The following RPS6KA2 variants were observed in gnomAD, a reference collection of about 807,000 sequenced individuals.
RPS6KA2 encodes the protein ribosomal protein S6 kinase alpha-2.
A neutral mutation model predicts 91.8 loss-of-function variants in RPS6KA2; 42 were observed. The observed-to-expected ratio is 0.46, with a 90% confidence interval of 0.36 to 0.59. RPS6KA2 has a LOEUF of 0.59. Ranked by LOEUF, RPS6KA2 falls within the 20% of genes least tolerant of loss-of-function variation. The probability of loss-of-function intolerance (pLI) is 0.00; values close to 1 mark genes in which losing one functional copy is unlikely to be tolerated. For missense variants in RPS6KA2, 798 were observed against 978.5 expected (o/e 0.82, Z 2.46); for synonymous variants, 414 against 393.6 (o/e 1.05, Z -0.61).
intron 1 of RPS6KA2, among the ~76,000 whole-genome samples, chr6:166,546,509 A>G (rs970213140): frequency 6.6e-6 from 1 of 150,496 alleles, no homozygotes; most frequent in Non-Finnish European, 1.5e-5. Context: ...TCTCTGAGAT[A>G]TATAGTATGA....
chr6:166,434,924 G>A lies in RPS6KA2; in HGVS notation c.1333-2434C>T, dbSNP rs1779249122. On this transcript the variant is annotated intron_variant, in intron 14 of 20. Transcript: ENST00000265678. This position sits in a 1 kb window ranked among gnomAD's most constrained non-coding sequence, Gnocchi z 4.4. ...TGCATAAAATAACCCTGGAAGGAAGGAGGAAACATTTAATTGCCTTGCCTT... is the reference window on the plus strand; with the variant it reads ...TGCATAAAATAACCCTGGAAGGAAGAAGGAAACATTTAATTGCCTTGCCTT... Among the ~76,000 whole-genome samples the A allele has an allele frequency of 6.6e-6, 1 of 152,186 alleles. No homozygotes were observed. Among genetic ancestry groups the A allele is most frequent in the Admixed American group, 6.5e-5 (1 of 15,274 alleles).
chr6:166,712,008 A>C (rs910161914), intron 2 of RPS6KA2, among the ~76,000 whole-genome samples: 1 of 152,232 alleles, frequency 6.6e-6, no homozygotes, highest in African/African-American at 2.4e-5. Flanking sequence ...CAGACTTGGC[A>C]AGGATAATAA....
In RPS6KA2 at chr6:166,654,878, T is replaced by C. The variant is rs148611184; in HGVS notation, c.124-116094A>G. The stretch of plus-strand genomic sequence containing the variant: ...GGGTCGCCTTTGTGAAGATAACCTT[T>C]CCCATCGTAATTAATAAGTAGGATG... On this transcript the variant is annotated intron_variant, in intron 2 of 21. Coordinates refer to the RPS6KA2 transcript ENST00000503859. Among the ~76,000 whole-genome samples, 426 of 152,306 alleles carry C rather than the reference T, an allele frequency of 2.8e-3. 2 individuals are homozygous for C. The highest frequency in any genetic ancestry group is 9.9e-3 in the African/African-American group (413 of 41,554).
rs184208873 is a variant in RPS6KA2, at chr6:166,726,334, G to T, written c.123+131866C>A. Among the ~76,000 whole-genome samples the T allele has an allele frequency of 6.6e-6, 1 of 152,118 alleles. No homozygotes were observed. Among genetic ancestry groups the T allele is most frequent in the African/African-American group, 2.4e-5 (1 of 41,420 alleles). ...AAAGAAGTAGCAATCCTGGGGAAAG[G>T]GCTAAACTCCACTGGGGGAAAGTTC... is the stretch of plus-strand genomic sequence containing the variant. On this transcript the variant is annotated intron_variant, in intron 2 of 21. Coordinates refer to the RPS6KA2 transcript ENST00000503859. The surrounding 1 kb of genome is among the most constrained non-coding windows in gnomAD (Gnocchi z 4.4).
In RPS6KA2 at chr6:166,726,454, G is replaced by C. The variant is rs1006474705; in HGVS notation, c.123+131746C>G. Among the ~76,000 whole-genome samples the C allele has an allele frequency of 2.0e-5, 3 of 152,204 alleles. No homozygotes were observed. The highest frequency in any genetic ancestry group is 2.1e-4 in the South Asian group (1 of 4,828). ...TCCCGAGAGCCCAGACCCTGTAGCA[G>C]AGGCTTCTGTCACCAATGATCATTC... is the stretch of plus-strand genomic sequence containing the variant. On this transcript the variant is annotated intron_variant, in intron 2 of 21. Transcript: ENST00000503859. This position sits in a 1 kb window ranked among gnomAD's most constrained non-coding sequence, Gnocchi z 4.4.
chr6:166,413,472 C>T (rs1583098505), intron 20 of RPS6KA2, among the ~76,000 whole-genome samples: 1 of 152,174 alleles, frequency 6.6e-6, no homozygotes, highest in South Asian at 2.1e-4. Flanking sequence ...TGAGAGGCTA[C>T]TGCTGCCTGA....
chr6:166,489,379 G>A (rs537762215), intron 9 of RPS6KA2, among the ~76,000 whole-genome samples: 95 of 152,318 alleles, frequency 6.2e-4, no homozygotes, highest in African/African-American at 1.9e-3. Context: ...GCTGGACCCT[G>A]TGCTCGGTCT....
chr6:166,718,944 A>G (rs1240456646), intron 2 of RPS6KA2, among the ~76,000 whole-genome samples: 3 of 152,248 alleles, frequency 2.0e-5, no homozygotes, highest in Non-Finnish European at 4.4e-5. Context: ...ATACAGGCAT[A>G]TATGAGTAAG....
chr6:166,479,411 G>T (rs1781104947), intron 10 of RPS6KA2, among the ~76,000 whole-genome samples: 1 of 152,228 alleles, frequency 6.6e-6, no homozygotes, highest in Non-Finnish European at 1.5e-5. Flanking sequence ...TGGCAGTGTG[G>T]TCCTGCAATC....
rs1314296230 is a variant in RPS6KA2, at chr6:166,557,901, C to G, written c.100-19117G>C. Among the ~76,000 whole-genome samples the G allele has an allele frequency of 6.6e-6, 1 of 151,902 alleles. No homozygotes were observed. Among genetic ancestry groups the G allele is most frequent in the Non-Finnish European group, 1.5e-5 (1 of 67,982 alleles). ...TGTATGTCAGGGTTCTTCAGAAAAACAAAACCAGTAGGTGATATGTGTGTA... is the reference window on the plus strand; with the variant it reads ...TGTATGTCAGGGTTCTTCAGAAAAAGAAAACCAGTAGGTGATATGTGTGTA... On this transcript the variant is annotated intron_variant, in intron 1 of 20. Coordinates refer to ENST00000265678, the MANE Select transcript of RPS6KA2 (RefSeq NM_021135.6). The surrounding 1 kb of genome is among the most constrained non-coding windows in gnomAD (Gnocchi z 4.8).
rs565855342 is a variant in RPS6KA2 at position 166,777,140 on chromosome 6, C to T, written c.123+81060G>A. On this transcript the variant is annotated intron_variant, in intron 2 of 21. Transcript: ENST00000503859. ...TGGACCTGAGGTTGCTGCGGGAGGCCTGAGCAGGGAGCGCAAAGCCTGGAC... is the reference window on the plus strand; with the variant it reads ...TGGACCTGAGGTTGCTGCGGGAGGCTTGAGCAGGGAGCGCAAAGCCTGGAC... Among the ~76,000 whole-genome samples the T allele has an allele frequency of 2.5e-4, 38 of 152,298 alleles. No homozygotes were observed. In the East Asian group the frequency reaches 3.1e-3, roughly 12 times the overall value.
At chr6:166,839,689 A>AGGGGAGGGGAGGGGAGGG (rs1306436538) in intron 2 of RPS6KA2, among the ~76,000 whole-genome samples, 155 of 6,786 alleles carry the variant, frequency 0.023, 34 homozygotes, top group Middle Eastern at 0.17. Context: ...GCAGGAGAGG[A>AGGGGAGGGGAGGGGAGGG]GAGGGGAGGA....
chr6:166,855,246 A>T (rs1780856254), intron 2 of RPS6KA2, among the ~76,000 whole-genome samples: 1 of 152,152 alleles, frequency 6.6e-6, no homozygotes, highest in Non-Finnish European at 1.5e-5. Context: ...CTGTTCTGGT[A>T]ATGGCTATGC....
chr6:166,424,925 T>G (rs1255260493), intron 16 of RPS6KA2, among the ~76,000 whole-genome samples: 6 of 152,232 alleles, frequency 3.9e-5, no homozygotes, highest in Non-Finnish European at 7.3e-5. Flanking sequence ...CAAAATATGC[T>G]GCTTTGGCAT....
intron 2 of RPS6KA2, among the ~76,000 whole-genome samples, chr6:166,688,906 G>A (rs1174331275): frequency 6.6e-6 from 1 of 152,250 alleles, no homozygotes; most frequent in African/African-American, 2.4e-5. Flanking sequence ...ATTATTACAT[G>A]CAACAAAGTT....
intron 1 of RPS6KA2, among the ~76,000 whole-genome samples, chr6:166,616,060 C>T (rs1248103637): frequency 6.6e-6 from 1 of 152,108 alleles, no homozygotes; most frequent in Non-Finnish European, 1.5e-5. Context: ...ACCCTGCCAC[C>T]CACTGTGTGT....
chr6:166,661,477 T>C (rs1250237396), intron 2 of RPS6KA2, among the ~76,000 whole-genome samples: 2 of 152,254 alleles, frequency 1.3e-5, no homozygotes, highest in Admixed American at 6.5e-5. Context: ...GTTTGTATTA[T>C]TTTTCTATTT....
chr6:166,822,880 A>G (rs1346671048), intron 2 of RPS6KA2, among the ~76,000 whole-genome samples: 1 of 152,244 alleles, frequency 6.6e-6, no homozygotes, highest in Non-Finnish European at 1.5e-5. Context: ...ATTTTTAGAC[A>G]GAATGTTGTG....
chr6:166,853,112 T>C (rs1780789411), intron 2 of RPS6KA2, among the ~76,000 whole-genome samples: 1 of 152,156 alleles, frequency 6.6e-6, no homozygotes, highest in South Asian at 2.1e-4. Context: ...TTGTTATCAA[T>C]AAACATAACC....
Sources: gnomAD v4.1 joint callset for allele counts (sites outside exome capture counted in the v4.1 genomes callset) on GRCh38, gnomAD v4.1.1 for gene constraint, Gnocchi (gnomAD v3.1) non-coding constraint, MANE v1.5 for transcripts, NCBI Gene and HGNC (gene_info 2026-07-23, HGNC 2026-07-21) for gene names.